The following NEBL variants were observed in gnomAD, a reference collection of about 807,000 sequenced individuals.
The protein encoded by NEBL is nebulette.
NEBL carries 122 observed loss-of-function variants against 140.2 expected under a neutral mutation model. That is an observed-to-expected ratio of 0.87 (90% CI 0.75 to 1.01). NEBL has a LOEUF of 1.01. NEBL is among the 50% of genes least tolerant of loss of function. NEBL has a pLI of 0.00. For synonymous variants in NEBL, 436 were observed against 398.9 expected (o/e 1.09, Z -1.11); for missense variants, 1,365 against 1,231.3 (o/e 1.11, Z -1.62).
chr10:21,166,064 C>A (rs1013778513), intron 2 of NEBL, among the ~76,000 whole-genome samples: 1 of 150,574 alleles, frequency 6.6e-6, no homozygotes, highest in African/African-American at 2.4e-5. Context: ...ACTAAAAATA[C>A]AAAAAATTAG....
At chr10:21,254,876 A>T (rs1564550542) in intron 1 of NEBL, among the ~76,000 whole-genome samples, 1 of 152,064 alleles carries the variant, frequency 6.6e-6, no homozygotes, top group Non-Finnish European at 1.5e-5. Flanking sequence ...ACCTAAATGG[A>T]CACACCAGGG....
chr10:21,194,702 C>T (rs1841622300), intron 3 of NEBL, among the ~76,000 whole-genome samples: 1 of 152,146 alleles, frequency 6.6e-6, no homozygotes, highest in African/African-American at 2.4e-5. Flanking sequence ...AGCCTCTCCC[C>T]AGATCTGTCC....
intron 4 of NEBL, among the ~76,000 whole-genome samples, chr10:20,920,466 G>C (rs11012393): frequency 6.6e-6 from 1 of 152,194 alleles, no homozygotes; most frequent in Non-Finnish European, 1.5e-5. Flanking sequence ...AAATGTATAA[G>C]GCAGATTTCT....
At position 21,155,532 on chromosome 10, in the gene NEBL, G is replaced by C. The variant is rs554227416; in HGVS notation, c.164+16851C>G. Among the ~76,000 whole-genome samples, 8 of 152,230 alleles carry C rather than the reference G, an allele frequency of 5.3e-5. No individual in the cohort carries two copies. In the South Asian group the frequency reaches 1.2e-3, roughly 24 times the overall value. On this transcript the variant is annotated intron_variant, in intron 2 of 6. Coordinates refer to the NEBL transcript ENST00000417816. Reference sequence around the variant, plus strand: ...TCCCACAGATAAGTGATAACATACAGTGTTTCTCTTTCTGTGTCTGATTCA... The same window carrying C: ...TCCCACAGATAAGTGATAACATACACTGTTTCTCTTTCTGTGTCTGATTCA...
At chr10:21,115,550 A>C (rs1241372569) in intron 2 of NEBL, among the ~76,000 whole-genome samples, 1 of 151,200 alleles carries the variant, frequency 6.6e-6, no homozygotes, top group Non-Finnish European at 1.5e-5. Context: ...TTTTTCTTTC[A>C]GTGCCTTAAA....
At chr10:20,824,058 C>G (rs577365046) in intron 18 of NEBL, among the ~76,000 whole-genome samples, 1 of 151,940 alleles carries the variant, frequency 6.6e-6, no homozygotes, top group Admixed American at 6.6e-5. Context: ...CAGTTATGCA[C>G]GGGACAAGAA....
At chr10:21,030,915 C>G (rs936718928) in intron 2 of NEBL, 3 of 256,962 alleles carry the variant, frequency 1.2e-5, no homozygotes, top group African/African-American at 4.5e-5. Flanking sequence ...TCTGAAAGAT[C>G]AGAGCAGGCC....
At chr10:21,059,826 C>T (rs1211043468) in intron 2 of NEBL, among the ~76,000 whole-genome samples, 1 of 152,090 alleles carries the variant, frequency 6.6e-6, no homozygotes, top group Non-Finnish European at 1.5e-5. Context: ...AGTGATAATG[C>T]CAATCTACAG....
intron 1 of NEBL, among the ~76,000 whole-genome samples, chr10:21,261,325 C>T (rs751197513): frequency 6.6e-6 from 1 of 152,106 alleles, no homozygotes; most frequent in Admixed American, 6.6e-5. Flanking sequence ...GACGCTGAAC[C>T]TCATGATGGA....
intron 19 of NEBL, 75 bp downstream of exon 19, chr10:20,823,133 T>C (rs1684791764): frequency 2.7e-6 from 3 of 1,097,830 alleles, no homozygotes; most frequent in Non-Finnish European, 4.0e-6. Flanking sequence ...GCATTTGACC[T>C]GTACAGGTTT....
intron 4 of NEBL, among the ~76,000 whole-genome samples, chr10:20,949,439 T>C (rs1006261075): frequency 6.6e-6 from 1 of 152,148 alleles, no homozygotes; most frequent in African/African-American, 2.4e-5. Context: ...ATTCTGCACA[T>C]GTATCCCAGA....
intron 1 of NEBL, among the ~76,000 whole-genome samples, chr10:21,259,351 A>G (rs532852962): frequency 6.6e-6 from 1 of 152,156 alleles, no homozygotes; most frequent in Non-Finnish European, 1.5e-5. Flanking sequence ...CTACTTGGAG[A>G]CGGCGAGGAA....
At chr10:20,845,467 T>C in intron 11 of NEBL, 99 bp from the exon 12 acceptor site, 1 of 754,436 alleles carries the variant, frequency 1.3e-6, no homozygotes, top group South Asian at 1.5e-5. Flanking sequence ...GATGTTTTCT[T>C]AGGTAGTTCT....
intron 3 of NEBL, among the ~76,000 whole-genome samples, chr10:20,982,483 A>G (rs771787335): frequency 2.6e-5 from 4 of 152,224 alleles, no homozygotes; most frequent in Non-Finnish European, 4.4e-5. Flanking sequence ...CTAAAATGGT[A>G]TTTAAAACAA....
rs915574953 is a variant in NEBL, at chr10:21,148,516, G to GTTTTGT, written c.164+23861_164+23866dup. ...GCCCTCCTTTTTTGTTGTCGTTGTT[G>GTTTTGT]TTTTGTTTTTGTTTTTGTTTTTGTT... is the stretch of plus-strand genomic sequence containing the variant. On this transcript the variant is annotated intron_variant, in intron 2 of 6. Coordinates refer to the NEBL transcript ENST00000417816. Among the ~76,000 whole-genome samples the GTTTTGT allele has an allele frequency of 1.1e-4, 16 of 151,982 alleles. 1 individual carries two copies. Among genetic ancestry groups the GTTTTGT allele is most frequent in the South Asian group, 6.2e-4 (3 of 4,824 alleles).
Position 21,276,606 on chromosome 10 carries a change from T to C in NEBL, n.182+16224A>G, listed in dbSNP as rs545896704. 1.4e-4 allele frequency among the ~76,000 whole-genome samples: 22 copies of C among 152,230 alleles called. 1 individual carries two copies. In the South Asian group the frequency reaches 4.6e-3, roughly 32 times the overall value. On this transcript the variant is annotated intron_variant and non_coding_transcript_variant, in intron 1 of 8. Transcript: ENST00000675702. Reference sequence around the variant, plus strand: ...TTTGGGAGGCCGAGGTGGATGGATCTCTTGAGTTCAGAAGTTTGAGACCAG... The same window carrying C: ...TTTGGGAGGCCGAGGTGGATGGATCCCTTGAGTTCAGAAGTTTGAGACCAG...
intron 3 of NEBL, among the ~76,000 whole-genome samples, chr10:21,227,653 T>TTTCTTCTTCTTCTTCTTC (rs549558619): frequency 6.8e-4 from 57 of 83,280 alleles, no homozygotes; most frequent in Admixed American, 1.1e-3. Context: ...GCACTTGAAG[T>TTTCTTCTTCTTCTTCTTC]TTCTTCTTCT....
intron 1 of NEBL, among the ~76,000 whole-genome samples, chr10:21,172,961 T>A (rs2132189136): frequency 6.6e-6 from 1 of 152,350 alleles, no homozygotes; most frequent in East Asian, 1.9e-4. Flanking sequence ...ACTAAAATGC[T>A]GGACCTCGGA....
At chr10:20,809,950 GA>G (rs200571909) in intron 24 of NEBL, 52 bp from the exon 25 acceptor site, 104,211 of 659,456 alleles carry the variant, frequency 0.16, 103 homozygotes, top group Admixed American at 0.21. Flanking sequence ...TTTAAAAAAG[GA>G]AAAAAAAAAA....
Sources: gnomAD v4.1 joint callset for allele counts (sites outside exome capture counted in the v4.1 genomes callset) on GRCh38, gnomAD v4.1.1 for gene constraint, MANE v1.5 for transcripts, NCBI Gene and HGNC (gene_info 2026-07-23, HGNC 2026-07-21) for gene names.